Variants in SUCLG2 observed in about 807,000 individuals in gnomAD.
SUCLG2 encodes succinate-CoA ligase GDP-forming subunit beta.
In SUCLG2, 42 loss-of-function variants were observed where a neutral mutation model predicts 47.9. That is an observed-to-expected ratio of 0.88 (90% CI 0.69 to 1.14). SUCLG2 has a LOEUF of 1.14. SUCLG2 is among the 50% of genes most tolerant of loss of function. The probability of loss-of-function intolerance (pLI) is 0.00; values close to 1 mark genes in which losing one functional copy is unlikely to be tolerated. For missense variants in SUCLG2, 571 were observed against 525.9 expected, an observed-to-expected ratio of 1.09 and a Z score of -0.84; for synonymous variants, 195 against 197.3, an observed-to-expected ratio of 0.99 and a Z score of 0.10.
intron 2 of SUCLG2, among the ~76,000 whole-genome samples, chr3:67,603,647 G>A (rs1316483545): frequency 6.6e-6 from 1 of 152,082 alleles, no homozygotes; most frequent in Non-Finnish European, 1.5e-5. Flanking sequence ...CAATTTTCTT[G>A]CTTAATCAAA....
rs183282884 is a variant in SUCLG2 at position 67,555,551 on chromosome 3, T to C, written c.227-26365A>G. Among the ~76,000 whole-genome samples, 520 of 152,108 alleles carry C rather than the reference T, an allele frequency of 3.4e-3. 2 individuals carry two copies. Among genetic ancestry groups the C allele is most frequent in the Non-Finnish European group, 3.8e-3 (259 of 67,978 alleles). On this transcript the variant is annotated intron_variant, in intron 2 of 10. Coordinates refer to ENST00000307227, the MANE Select transcript of SUCLG2 (RefSeq NM_003848.4). ...TTAGAGAAATGGCTGATACCAGGGCTGGGACAAAAAAGGGATAAGTTGACA... is the reference window on the plus strand; with the variant it reads ...TTAGAGAAATGGCTGATACCAGGGCCGGGACAAAAAAGGGATAAGTTGACA...
At chr3:67,540,638 T>A (rs371350399) in intron 2 of SUCLG2, among the ~76,000 whole-genome samples, 1 of 152,162 alleles carries the variant, frequency 6.6e-6, no homozygotes, top group Non-Finnish European at 1.5e-5. Flanking sequence ...AACTTAAAAG[T>A]TCCTGCCTCC....
rs1233631458 is a variant in SUCLG2 at position 67,398,262 on chromosome 3, A to G, written c.1183+2469T>C. Among the ~76,000 whole-genome samples, 8 of 150,726 alleles carry G rather than the reference A, an allele frequency of 5.3e-5. 1 individual carries two copies. The highest frequency in any genetic ancestry group is 1.0e-4 in the Non-Finnish European group (7 of 67,526). On this transcript the variant is annotated intron_variant, in intron 10 of 10. Coordinates refer to ENST00000307227, the MANE Select transcript of SUCLG2 (RefSeq NM_003848.4). ...TACAAAATGGGAGAAAATTTTCGCAACCTACTCATCTGACAAAGGGCTAAT... is the reference window on the plus strand; with the variant it reads ...TACAAAATGGGAGAAAATTTTCGCAGCCTACTCATCTGACAAAGGGCTAAT...
Position 67,361,320 on chromosome 3 carries a change from G to A in SUCLG2, c.1184-552C>T, listed in dbSNP as rs192846897. ...GTTGACAGCTTAGTTAATGCATAGA[G>A]TATAAATCACGTTGAGTTTCTCACA... On this transcript the variant is annotated intron_variant, in intron 10 of 10. Coordinates refer to the SUCLG2 transcript ENST00000493112. 1.8e-3 allele frequency among the ~76,000 whole-genome samples: 278 copies of A among 152,274 alleles called. 1 individual carries two copies. Among genetic ancestry groups the A allele is most frequent in the Middle Eastern group, 6.8e-3 (2 of 294 alleles).
chr3:67,563,403 C>T (rs1707359624), intron 2 of SUCLG2, among the ~76,000 whole-genome samples: 1 of 152,174 alleles, frequency 6.6e-6, no homozygotes, highest in Non-Finnish European at 1.5e-5. Flanking sequence ...CAGAATAACA[C>T]ATTTAGCCTT....
At chr3:67,597,986 T>G (rs1708332974) in intron 2 of SUCLG2, among the ~76,000 whole-genome samples, 1 of 151,706 alleles carries the variant, frequency 6.6e-6, no homozygotes, top group African/African-American at 2.4e-5. Flanking sequence ...CATTTCCTTT[T>G]CCTTTTTTTT....
chr3:67,364,777 A>C (rs1474839405), intron 10 of SUCLG2, among the ~76,000 whole-genome samples: 1 of 152,184 alleles, frequency 6.6e-6, no homozygotes, highest in Non-Finnish European at 1.5e-5. Context: ...AACATGCTTT[A>C]TACTGGGAAG....
chr3:67,363,794 C>T (rs1032965388), intron 10 of SUCLG2, among the ~76,000 whole-genome samples: 9 of 147,476 alleles, frequency 6.1e-5, no homozygotes, highest in Admixed American at 5.5e-4. Context: ...CCCCTCCCCC[C>T]AACCTCACCC....
At chr3:67,401,519 C>T (rs895559638) in intron 9 of SUCLG2, among the ~76,000 whole-genome samples, 2 of 151,156 alleles carry the variant, frequency 1.3e-5, no homozygotes, top group East Asian at 3.9e-4. Flanking sequence ...AATTTAAACC[C>T]ATCACCCATC....
At chr3:67,486,650 C>T (rs1431335128) in intron 9 of SUCLG2, among the ~76,000 whole-genome samples, 1 of 152,140 alleles carries the variant, frequency 6.6e-6, no homozygotes, top group Non-Finnish European at 1.5e-5. Context: ...CACCTGTATG[C>T]TCTCTGTAGG....
chr3:67,629,614 G>A (rs1272071670), intron 1 of SUCLG2, among the ~76,000 whole-genome samples: 1 of 152,090 alleles, frequency 6.6e-6, no homozygotes, highest in Non-Finnish European at 1.5e-5. Flanking sequence ...GGCCATTCGT[G>A]ACTGAACTCA....
chr3:67,558,142 A>C (rs1707209533), intron 2 of SUCLG2, among the ~76,000 whole-genome samples: 1 of 152,092 alleles, frequency 6.6e-6, no homozygotes. Flanking sequence ...GTGCAATTAC[A>C]TCATGCTGAG....
intron 4 of SUCLG2, among the ~76,000 whole-genome samples, chr3:67,521,048 C>A (rs568118105): frequency 1.4e-4 from 21 of 152,282 alleles, no homozygotes; most frequent in African/African-American, 3.8e-4. Flanking sequence ...TTGCCACAGA[C>A]GGATTCTTTT....
chr3:67,397,281 C>A (rs1210782380), intron 10 of SUCLG2, among the ~76,000 whole-genome samples: 1 of 152,180 alleles, frequency 6.6e-6, no homozygotes, highest in Non-Finnish European at 1.5e-5. Context: ...ACCCCATCGT[C>A]TCAGCCCAAA....
intron 10 of SUCLG2, among the ~76,000 whole-genome samples, chr3:67,366,782 T>G (rs1303688715): frequency 6.6e-6 from 1 of 152,176 alleles, no homozygotes; most frequent in African/African-American, 2.4e-5. Context: ...ACATGCTTTT[T>G]TGTATACTCA....
chr3:67,426,518 T>G lies in SUCLG2; in HGVS notation c.1063-25667A>C, dbSNP rs143493024. On this transcript the variant is annotated intron_variant, in intron 9 of 10. Transcript: ENST00000307227. ...CTGAGTAAAAAAATATATATTACAG[T>G]AAGACTGTAAAGAACATACTTACCA... 1.0e-3 allele frequency among the ~76,000 whole-genome samples: 159 copies of G among 152,300 alleles called. 1 individual carries two copies. The highest frequency in any genetic ancestry group is 3.7e-3 in the African/African-American group (153 of 41,562).
At chr3:67,474,937 T>C (rs1575721109) in intron 9 of SUCLG2, among the ~76,000 whole-genome samples, 1 of 151,804 alleles carries the variant, frequency 6.6e-6, no homozygotes, top group South Asian at 2.1e-4. Context: ...ACCCTCAGAA[T>C]TGCTCACTCA....
chr3:67,580,328 G>T (rs1276775686), intron 2 of SUCLG2, among the ~76,000 whole-genome samples: 2 of 152,090 alleles, frequency 1.3e-5, no homozygotes, highest in Admixed American at 6.5e-5. Flanking sequence ...ACATTCATAT[G>T]TAAGTCTGGA....
chr3:67,392,822 C>CTT (rs528045600), intron 10 of SUCLG2, among the ~76,000 whole-genome samples: 12,930 of 149,866 alleles, frequency 0.086, 593 homozygotes, highest in Admixed American at 0.13. Flanking sequence ...AGTCACTGTA[C>CTT]TTTTTTTTTT....
Sources: gnomAD v4.1 joint callset for allele counts (sites outside exome capture counted in the v4.1 genomes callset) on GRCh38, gnomAD v4.1.1 for gene constraint, MANE v1.5 for transcripts, NCBI Gene and HGNC (gene_info 2026-07-23, HGNC 2026-07-21) for gene names.